The following TTN variants were observed in gnomAD, a reference collection of about 807,000 sequenced individuals.
The protein encoded by TTN is connectin.
In TTN, 1,525 loss-of-function variants were observed where a neutral mutation model predicts 3,223.0. The observed-to-expected ratio is 0.47, with a 90% confidence interval of 0.45 to 0.49. The LOEUF is 0.49. Ranked by LOEUF, TTN falls within the 20% of genes least tolerant of loss-of-function variation. The pLI is 0.00. For synonymous variants in TTN, 14,094 were observed against 15,161.0 expected (o/e 0.93, Z 5.17); for missense variants, 40,786 against 43,424.0 (o/e 0.94, Z 5.40).
rs1344049328 is a variant in TTN, at chr2:178,695,378, G to A, written c.31240C>T (p.Pro10414Ser). ...GGAGGTGGTGGTGCTTTCTTTTCAG[G>A]TACTTTGGCTGGAACTTTTCTCTCA... ...SHERKVPAKV[P>S]EKKAPPPPKV... is the part of the protein sequence containing the mutation. Residue 10414 changes from proline (P) to serine (S), a missense_variant, in exon 115 of 363, where the codon CCT (proline) becomes TCT (serine). Physicochemically the swap from Pro to Ser is moderately conservative, Grantham distance 74 (BLOSUM62 -1). Coordinates refer to ENST00000589042, the MANE Select transcript of TTN (RefSeq NM_001267550.2). 1 of 1,612,038 alleles carries A rather than the reference G, an allele frequency of 6.2e-7. No individual in the cohort carries two copies. Among genetic ancestry groups the A allele is most frequent in the Non-Finnish European group, 8.5e-7 (1 of 1,178,598 alleles).
chr2:178,791,943 G>A (rs2093526989), intron 10 of TTN, 129 bp downstream of exon 10: 1 of 978,670 alleles, frequency 1.0e-6, no homozygotes, highest in Admixed American at 2.6e-5. Flanking sequence ...ACTAGACATA[G>A]AGGAACAATA....
chr2:178,747,625 G>A, intron 47 of TTN: 3 of 1,613,248 alleles, frequency 1.9e-6, no homozygotes, highest in Non-Finnish European at 2.5e-6. Flanking sequence ...GCTTTGCCTG[G>A]TCTCTGGTGT....
chr2:178,750,015 G>T (rs745863290), intron 47 of TTN: 1 of 1,613,216 alleles, frequency 6.2e-7, no homozygotes, highest in South Asian at 1.1e-5. Context: ...TTAGGTTCCA[G>T]CTCCTCAGTT....
Position 178,634,931 on chromosome 2 carries a change from A to G in TTN, c.42025-82T>C. Reference sequence around the variant, plus strand: ...GTGTTTCAGATACAAATTTCTATAGAGTTTTAAAAATTACTACTAATAAAA... The same window carrying G: ...GTGTTTCAGATACAAATTTCTATAGGGTTTTAAAAATTACTACTAATAAAA... On this transcript the variant is annotated intron_variant, in intron 228 of 362. Transcript: ENST00000589042. This position sits in a 1 kb window ranked among gnomAD's most constrained non-coding sequence, Gnocchi z 4.6. 1 of 1,485,808 alleles carries G rather than the reference A, an allele frequency of 6.7e-7. No individual in the cohort carries two copies. Among genetic ancestry groups the G allele is most frequent in the Non-Finnish European group, 8.9e-7 (1 of 1,117,994 alleles). The allele number at this position is 1,485,808 out of a possible 1,614,324, so 92.0% of individuals were successfully genotyped here. A position where few individuals can be genotyped will look rare whatever the true frequency, so the allele number is the denominator to read the frequency against.
chr2:178,760,545 T>C (rs2088813221), intron 43 of TTN, among the ~76,000 whole-genome samples: 2 of 152,166 alleles, frequency 1.3e-5, no homozygotes, highest in Non-Finnish European at 2.9e-5. Flanking sequence ...AAATGAAATC[T>C]TGACACTACA....
At position 178,564,481 on chromosome 2, in the gene TTN, C is replaced by T; in HGVS notation, c.81651G>A (p.Trp27217Ter). The change falls in exon 326 of 363, where the codon TGG becomes TGA. Residue 27217 changes from tryptophan to a stop codon, truncating the protein, a stop_gained. Coordinates refer to ENST00000589042, the MANE Select transcript of TTN (RefSeq NM_001267550.2). LOFTEE classifies it high-confidence loss of function. ...ATACGTTGGTAAAGCTGGCTTTCATCCAGCGGCCATCAGGTAGATCTTTCT... is the reference window on the plus strand; with the variant it reads ...ATACGTTGGTAAAGCTGGCTTTCATTCAGCGGCCATCAGGTAGATCTTTCT... The part of the protein sequence containing the change: ...VEKKDLPDGR[W>*]MKASFTNVLE... 1 of 1,612,032 alleles carries T rather than the reference C, an allele frequency of 6.2e-7. No homozygotes were observed. Among genetic ancestry groups the T allele is most frequent in the Non-Finnish European group, 8.5e-7 (1 of 1,178,872 alleles).
In TTN at chr2:178,588,964, G is replaced by A. The variant is rs935268567; in HGVS notation, c.62761C>T (p.Pro20921Ser). Residue 20921 changes from proline to serine, a missense_variant, in exon 304 of 363, where the codon CCT becomes TCT. Physicochemically the swap from Pro to Ser is moderately conservative, Grantham distance 74. Transcript: ENST00000589042. ...ATGAGACGTGTTACTGTAGTACCAG[G>A]TGTCAAGACAGTAGCAGAATAGGTA... Reference protein sequence around the residue: ...WSTYSATVLTPGTTVTRLIEG... With the variant: ...WSTYSATVLTSGTTVTRLIEG... 1.9e-6 allele frequency: 3 copies of A among 1,612,364 alleles called. No individual in the cohort carries two copies. The highest frequency in any genetic ancestry group is 1.3e-5 in the African/African-American group (1 of 74,868).
At position 178,646,029 on chromosome 2, in the gene TTN, T is replaced by G; in HGVS notation, c.40299A>C (p.Glu13433Asp). Residue 13433 changes from glutamate to aspartate, a missense_variant and splice_region_variant, in exon 217 of 363, where the codon GAA becomes GAC. Physicochemically the swap from Glu to Asp is conservative, Grantham distance 45. Coordinates refer to ENST00000589042, the MANE Select transcript of TTN (RefSeq NM_001267550.2). Reference protein sequence around the residue: ...EPQPEEIPVKEPEPEKVIEKP... With the variant: ...EPQPEEIPVKDPEPEKVIEKP... ...TCTCAATAACCTTTTCAGGTTCAGG[T>G]TCTTGAAAGAGTATTTCAGAGGTGT... The G allele has an allele frequency of 6.5e-7, 1 of 1,541,306 alleles. No homozygotes were observed. Among genetic ancestry groups the G allele is most frequent in the East Asian group, 2.4e-5 (1 of 41,170 alleles).
intron 223 of TTN, among the ~76,000 whole-genome samples, chr2:178,637,631 A>G (rs183489649): frequency 1.1e-3 from 174 of 152,194 alleles, no homozygotes; most frequent in Non-Finnish European, 2.1e-3. Flanking sequence ...CATATTTAGG[A>G]TTAACAACTT....
rs760650311 is a variant in TTN at position 178,583,784 on chromosome 2, G to A, written c.65398C>T (p.Pro21800Ser). ...TTGCACCGTACCCATTTATCACCAGGAAGTTTGCAAGCTTCTACGAAATAG... is the reference window on the plus strand; with the variant it reads ...TTGCACCGTACCCATTTATCACCAGAAAGTTTGCAAGCTTCTACGAAATAG... The part of the protein sequence containing the change: ...IGYFVEACKL[P>S]GDKWVRCNTA... The change falls in exon 312 of 363, where the codon CCT (proline) becomes TCT (serine). Residue 21800 changes from proline (P) to serine (S), a missense_variant. Pro to Ser is a moderately conservative substitution (Grantham distance 74). Transcript: ENST00000589042. 2.5e-6 allele frequency: 4 copies of A among 1,610,862 alleles called. No homozygotes were observed. The highest frequency in any genetic ancestry group is 3.4e-6 in the Non-Finnish European group (4 of 1,178,472).
In TTN at chr2:178,630,810, T is replaced by C. The variant is rs1390058429; in HGVS notation, c.44148A>G (p.Gln14716=). ...AGTTCAGAAATAGCCTTACAGGTGTTTGGAGTAGGGCCTCTCCCTTGAGTT... is the reference window on the plus strand; with the variant it reads ...AGTTCAGAAATAGCCTTACAGGTGTCTGGAGTAGGGCCTCTCCCTTGAGTT... ...NWKLKGEALL[Q]TPDCEIKEEG... is the part of the protein sequence containing the mutation. The change falls in exon 238 of 363, where the codon CAA becomes CAG. Residue 14716 remains glutamine, a synonymous_variant. Coordinates refer to ENST00000589042, the MANE Select transcript of TTN (RefSeq NM_001267550.2). 6.2e-7 allele frequency: 1 copy of C among 1,611,944 alleles called. No individual in the cohort carries two copies. The highest frequency in any genetic ancestry group is 1.3e-5 in the African/African-American group (1 of 74,794).
chr2:178,644,314 CA>C (rs2061598391), intron 218 of TTN: 1 of 367,654 alleles, frequency 2.7e-6, no homozygotes, highest in African/African-American at 2.1e-5. Context: ...TGCAAGAAGA[CA>C]TATGTAGATG....
In TTN at chr2:178,569,372, C is replaced by T; in HGVS notation, c.76760G>A (p.Ser25587Asn). The change falls in exon 326 of 363, where the codon AGT becomes AAT. Residue 25587 changes from serine to asparagine, a missense_variant. Coordinates refer to ENST00000589042, the MANE Select transcript of TTN (RefSeq NM_001267550.2). Reference protein sequence around the residue: ...GKYTLTLENSSGTKSAFVTVR... With the variant: ...GKYTLTLENSNGTKSAFVTVR... ...AGTAACAAAGGCAGACTTTGTTCCACTGCTGTTTTCTAATGTAAGCGTATA... is the reference window on the plus strand; with the variant it reads ...AGTAACAAAGGCAGACTTTGTTCCATTGCTGTTTTCTAATGTAAGCGTATA... The T allele has an allele frequency of 6.2e-7, 1 of 1,613,394 alleles. No individual in the cohort carries two copies. The highest frequency in any genetic ancestry group is 1.1e-5 in the South Asian group (1 of 91,032).
rs748198284 is a variant in TTN at position 178,714,163 on chromosome 2, A to G, written c.26495T>C (p.Ile8832Thr). 1.5e-5 allele frequency: 24 copies of G among 1,610,226 alleles called. No individual in the cohort carries two copies. The East Asian group carries it at 1.8e-4, about 12-fold the overall frequency. The change falls in exon 92 of 363, where the codon ATT becomes ACT. Residue 8832 changes from isoleucine (I) to threonine (T), a missense_variant. Coordinates refer to ENST00000589042, the MANE Select transcript of TTN (RefSeq NM_001267550.2). Reference sequence around the variant, plus strand: ...TTTTATGGATTCTGGCTTTTCTACAATTGTTGCAGGCTCTGGAATGAAATG... The same window carrying G: ...TTTTATGGATTCTGGCTTTTCTACAGTTGTTGCAGGCTCTGGAATGAAATG... ...ATLSVLEPAT[I>T]VEKPESIKVT...
At position 178,609,666 on chromosome 2, in the gene TTN, C is replaced by G. The variant is rs370801271; in HGVS notation, c.51739+18G>C. 2.6e-6 allele frequency: 4 copies of G among 1,561,368 alleles called. No individual in the cohort carries two copies. Among genetic ancestry groups the G allele is most frequent in the Non-Finnish European group, 3.5e-6 (4 of 1,155,790 alleles). On this transcript the variant is annotated intron_variant, in intron 272 of 362. Coordinates refer to ENST00000589042, the MANE Select transcript of TTN (RefSeq NM_001267550.2). Reference sequence around the variant, plus strand: ...ATTTCAAAATGGGAAAGTGGCAACTCCATGAAACAAAACTTACCAATGGGA... The same window carrying G: ...ATTTCAAAATGGGAAAGTGGCAACTGCATGAAACAAAACTTACCAATGGGA...
chr2:178,804,421 T>C, intron 2 of TTN, 131 bp downstream of exon 2: 1 of 818,254 alleles, frequency 1.2e-6, no homozygotes, highest in Non-Finnish European at 2.1e-6. Context: ...AAAATGACCT[T>C]TCCATAGTGT....
Position 178,557,083 on chromosome 2 carries a change from T to C in TTN, c.88071A>G (p.Gln29357=), listed in dbSNP as rs1252998108. 1 of 1,613,614 alleles carries C rather than the reference T, an allele frequency of 6.2e-7. No individual in the cohort carries two copies. Among genetic ancestry groups the C allele is most frequent in the Non-Finnish European group, 8.5e-7 (1 of 1,179,794 alleles). The change falls in exon 330 of 363, where the codon CAA becomes CAG. Residue 29357 remains glutamine, a synonymous_variant. Transcript: ENST00000589042. ...TGCTACCTCCATCGAAAGCTGGTTG[T>C]TGCCATGAAAGGCTGACAGAGTTCT... The part of the protein sequence containing the change: ...ISKNSVSLSW[Q]QPAFDGGSKI...
chr2:178,585,693 T>A (rs559775713), intron 308 of TTN, among the ~76,000 whole-genome samples: 1 of 152,176 alleles, frequency 6.6e-6, no homozygotes, highest in Non-Finnish European at 1.5e-5. Context: ...ACATGTGGTG[T>A]TTGGTTTTCT....
chr2:178,701,227 T>C lies in TTN; in HGVS notation c.30599-24A>G, dbSNP rs577033809. 8.2e-6 allele frequency: 13 copies of C among 1,589,188 alleles called. No homozygotes were observed. In the Admixed American group the frequency reaches 1.1e-4, roughly 13 times the overall value. ...TTCTGAAGAAAATAAATGCCGTTAG[T>C]AACATGTTTTAGTTTCTTATTTTGC... On this transcript the variant is annotated intron_variant, in intron 110 of 362. Transcript: ENST00000589042.
Sources: allele counts gnomAD v4.1 joint callset (sites outside exome capture counted in the v4.1 genomes callset), GRCh38; gene constraint gnomAD v4.1.1; non-coding constraint Gnocchi (gnomAD v3.1); transcripts MANE v1.5; gene names NCBI Gene and HGNC (gene_info 2026-07-23, HGNC 2026-07-21).